MLYCD: variants seen among roughly 807,000 people sequenced by gnomAD.
The protein encoded by MLYCD is malonyl-CoA decarboxylase, also known as malonyl-CoA decarboxylase, mitochondrial.
Under a neutral mutation model 35.8 loss-of-function variants are expected in MLYCD, and 27 were observed. That is an observed-to-expected ratio of 0.75 (90% CI 0.56 to 1.04). The LOEUF (loss-of-function observed/expected upper bound fraction) is 1.04, where lower values mean the gene tolerates loss of function less well. MLYCD is among the 50% of genes least tolerant of loss of function. The probability of loss-of-function intolerance (pLI) is 0.00; values close to 1 mark genes in which losing one functional copy is unlikely to be tolerated. For synonymous variants in MLYCD, 403 were observed against 302.4 expected, an observed-to-expected ratio of 1.33 and a Z score of -3.45; for missense variants, 917 against 665.1, an observed-to-expected ratio of 1.38 and a Z score of -4.17.
At chr16:83,911,102 T>G (rs1372376633) in intron 3 of MLYCD, among the ~76,000 whole-genome samples, 2 of 152,114 alleles carry the variant, frequency 1.3e-5, no homozygotes, top group African/African-American at 2.4e-5. Context: ...TCAGCCTCCG[T>G]AGTAGCTGGG....
chr16:83,912,054 A>G, intron 3 of MLYCD, 164 bp from the exon 4 acceptor site: 2 of 978,328 alleles, frequency 2.0e-6, no homozygotes, highest in Non-Finnish European at 3.2e-6. Flanking sequence ...TTTTCAAAAC[A>G]GAGCAGCTTT....
At chr16:83,913,293 C>G (rs984430055) in intron 4 of MLYCD, 5 of 152,268 alleles carry the variant, frequency 3.3e-5, no homozygotes, top group Admixed American at 1.3e-4. Context: ...CCCACAGTTT[C>G]CTCATTCCTC....
At position 83,907,025 on chromosome 16, in the gene MLYCD, G is replaced by T; in HGVS notation, c.567G>T (p.Trp189Cys). 2 of 1,614,094 alleles carry T rather than the reference G, an allele frequency of 1.2e-6. No individual in the cohort carries two copies. Among genetic ancestry groups the T allele is most frequent in the South Asian group, 2.2e-5 (2 of 91,078 alleles). ...TGCTGAAAGGAATGCTCTCAGAATG[G>T]TTTTCCTCCGGGTTCCTGAACCTAG... ...NGVLKGMLSE[W>C]FSSGFLNLER... Residue 189 changes from tryptophan (W) to cysteine (C), a missense_variant, in exon 2 of 5, where the codon TGG (tryptophan) becomes TGT (cysteine). Transcript: ENST00000262430.
Position 83,922,917 on chromosome 16 carries a change from C to T in MLYCD, c.*7428C>T, listed in dbSNP as rs1477721911. The T allele has an allele frequency of 7.9e-5, 12 of 152,306 alleles. No individual in the cohort carries two copies. Among genetic ancestry groups the T allele is most frequent in the Non-Finnish European group, 1.8e-4 (12 of 68,084 alleles). 9.4% of individuals were successfully genotyped at this position (152,306 alleles called of 1,614,324 possible). A position where few individuals can be genotyped will look rare whatever the true frequency, so the allele number is the denominator to read the frequency against. ...AATGGCTCCTGTGGACACGGCATTG[C>T]ACAGGGGCTTGAGGGGACCTCCTGA... On this transcript the variant is annotated 3_prime_UTR_variant, in exon 5 of 5. Transcript: ENST00000262430.
chr16:83,900,941 C>T (rs1015689145), intron 1 of MLYCD, among the ~76,000 whole-genome samples: 2 of 152,180 alleles, frequency 1.3e-5, no homozygotes, highest in Admixed American at 6.5e-5. Context: ...ATTTGCACTA[C>T]GCTTTATATC....
At chr16:83,914,827 T>G in intron 4 of MLYCD, 129 bp from the exon 5 acceptor site, 3 of 1,304,708 alleles carry the variant, frequency 2.3e-6, no homozygotes, top group Non-Finnish European at 1.1e-6. Flanking sequence ...ACAACATGTA[T>G]CAGATGTCAC....
intron 3 of MLYCD, chr16:83,911,862 C>A (rs1212360418): frequency 6.1e-6 from 2 of 326,802 alleles, no homozygotes; most frequent in Admixed American, 4.4e-5. Context: ...TCTCAAGGAT[C>A]CGTGTGTTAT....
chr16:83,904,032 G>A (rs75366571), intron 1 of MLYCD, among the ~76,000 whole-genome samples: 9,726 of 152,230 alleles, frequency 0.064, 379 homozygotes, highest in East Asian at 0.14. Flanking sequence ...CCTTTAGCCT[G>A]GATTCCCAGT....
chr16:83,900,726 T>TAA (rs34911435), intron 1 of MLYCD, among the ~76,000 whole-genome samples: 42 of 151,286 alleles, frequency 2.8e-4, no homozygotes, highest in African/African-American at 9.0e-4. Context: ...CAGTTGGTGT[T>TAA]AAAAAAAAAT....
chr16:83,904,015 C>T (rs1906888057), intron 1 of MLYCD, among the ~76,000 whole-genome samples: 1 of 152,188 alleles, frequency 6.6e-6, no homozygotes. Flanking sequence ...GCAACGGAGA[C>T]TTCTAACCTT....
Position 83,921,656 on chromosome 16 carries a change from C to T in MLYCD, c.*6167C>T, listed in dbSNP as rs1219874562. On this transcript the variant is annotated 3_prime_UTR_variant, in exon 5 of 5. Transcript: ENST00000262430. ...CACTGAACCAATATTCCCCTCACTTCATGGGTGTTACAAACCTCTTATCAT... is the reference window on the plus strand; with the variant it reads ...CACTGAACCAATATTCCCCTCACTTTATGGGTGTTACAAACCTCTTATCAT... 1 of 152,224 alleles carries T rather than the reference C, an allele frequency of 6.6e-6. No homozygotes were observed. Among genetic ancestry groups the T allele is most frequent in the African/African-American group, 2.4e-5 (1 of 41,452 alleles). 9.4% of individuals were successfully genotyped at this position (152,224 alleles called of 1,614,324 possible).
intron 3 of MLYCD, among the ~76,000 whole-genome samples, chr16:83,909,525 A>G (rs12922037): frequency 0.076 from 11,575 of 151,960 alleles, 576 homozygotes; most frequent in Non-Finnish European, 0.11. Flanking sequence ...AATATTAATA[A>G]TATCTGTTGA....
At chr16:83,912,041 G>A (rs2151058635) in intron 3 of MLYCD, 177 bp from the exon 4 acceptor site, 1 of 857,172 alleles carries the variant, frequency 1.2e-6, no homozygotes, top group East Asian at 2.5e-5. Flanking sequence ...CTCCTCCAGA[G>A]AGTTTTCAAA....
rs572053748 is a variant in MLYCD at position 83,902,794 on chromosome 16, CTG to C, written c.528+3125_528+3126del. On this transcript the variant is annotated intron_variant, in intron 1 of 4. Transcript: ENST00000262430. ...GTGCTGGAATTACAGGTGTGAACCA[CTG>C]TGCCTGGCTGTGTTCTTACTTTTTA... Among the ~76,000 whole-genome samples the C allele has an allele frequency of 4.2e-3, 633 of 152,328 alleles. 4 individuals carry two copies. The highest frequency in any genetic ancestry group is 0.015 in the African/African-American group (604 of 41,576).
intron 1 of MLYCD, 30 bp downstream of exon 1, chr16:83,899,702 C>G (rs1265796527): frequency 6.7e-7 from 1 of 1,488,562 alleles, no homozygotes; most frequent in Non-Finnish European, 8.9e-7. Flanking sequence ...CCCCCGGCAG[C>G]GCGGACTGGC....
chr16:83,908,221 C>T lies in MLYCD; in HGVS notation c.737C>T (p.Pro246Leu). 6.2e-7 allele frequency: 1 copy of T among 1,614,246 alleles called. No homozygotes were observed. The highest frequency in any genetic ancestry group is 8.5e-7 in the Non-Finnish European group (1 of 1,180,038). The change falls in exon 3 of 5, where the codon CCT becomes CTT. Residue 246 changes from proline to leucine, a missense_variant. Physicochemically the swap from Pro to Leu is moderately conservative, Grantham distance 98. Coordinates refer to ENST00000262430, the MANE Select transcript of MLYCD (RefSeq NM_012213.3). ...RCYFFSHCST[P>L]GEPLVVLHVA... ...TACTTCTTTTCTCACTGTTCGACCC[C>T]TGGGGAGCCCCTGGTCGTTTTGCAC... is the stretch of plus-strand genomic sequence containing the variant.
intron 1 of MLYCD, among the ~76,000 whole-genome samples, chr16:83,903,816 G>A (rs1906880949): frequency 6.6e-6 from 1 of 152,202 alleles, no homozygotes; most frequent in Non-Finnish European, 1.5e-5. Context: ...AACTGTCGCT[G>A]CCCTTAGCAT....
At chr16:83,899,921 C>T (rs970174577) in intron 1 of MLYCD, among the ~76,000 whole-genome samples, 1 of 152,250 alleles carries the variant, frequency 6.6e-6, no homozygotes, top group Non-Finnish European at 1.5e-5. Flanking sequence ...TTACTAAATA[C>T]TCAGCACTTG....
rs1363583928 is a variant in MLYCD at position 83,915,052 on chromosome 16, C to A, written c.1045C>A (p.His349Asn). The A allele has an allele frequency of 1.2e-6, 2 of 1,614,206 alleles. No individual in the cohort carries two copies. The highest frequency in any genetic ancestry group is 4.5e-5 in the East Asian group (2 of 44,878). Reference protein sequence around the residue: ...LGLLNSQTKEHGRNELFTDSE... With the variant: ...LGLLNSQTKENGRNELFTDSE... ...GCTTCTGAACTCGCAAACGAAGGAG[C>A]ATGGGAGGAATGAACTCTTTACAGA... The change falls in exon 5 of 5, where the codon CAT becomes AAT. Residue 349 changes from histidine (H) to asparagine (N), a missense_variant. Physicochemically the swap from His to Asn is moderately conservative, Grantham distance 68. Transcript: ENST00000262430.
Sources: gnomAD v4.1 joint callset for allele counts (sites outside exome capture counted in the v4.1 genomes callset) on GRCh38, gnomAD v4.1.1 for gene constraint, MANE v1.5 for transcripts, NCBI Gene and HGNC (gene_info 2026-07-23, HGNC 2026-07-21) for gene names.